Variants in TLE3 observed in about 807,000 individuals in gnomAD.
TLE3 encodes transducin-like enhancer protein 3.
Under a neutral mutation model 93.0 loss-of-function variants are expected in TLE3, and 14 were observed. The ratio of observed to expected loss-of-function variants is 0.15; its 90% CI spans 0.10 to 0.24. The LOEUF (loss-of-function observed/expected upper bound fraction) is 0.24. Among genes scored for constraint, TLE3 ranks in the 10% least tolerant of loss-of-function variants. The pLI, the probability that TLE3 is intolerant of heterozygous loss-of-function variation, is 1.00. For synonymous variants in TLE3, 451 were observed against 425.0 expected (o/e 1.06, Z -0.75); for missense variants, 693 against 1,046.6 (o/e 0.66, Z 4.66).
At chr15:70,054,870 G>C in intron 15 of TLE3, 179 bp downstream of exon 15, 1 of 1,216,090 alleles carries the variant, frequency 8.2e-7, no homozygotes, top group Non-Finnish European at 1.1e-6. Flanking sequence ...AATACCAGGA[G>C]GTCAGAATCA....
intron 4 of TLE3, among the ~76,000 whole-genome samples, chr15:70,088,793 C>A (rs745916833): frequency 6.6e-6 from 1 of 152,208 alleles, no homozygotes; most frequent in African/African-American, 2.4e-5. Context: ...GGAGACAATG[C>A]CACTTTGGGG....
At chr15:70,051,177 A>G (rs1269385234) in intron 19 of TLE3, 4 of 448,420 alleles carry the variant, frequency 8.9e-6, no homozygotes, top group Non-Finnish European at 1.6e-5. Flanking sequence ...AGAAGCCATC[A>G]GTAGCAGATT....
intron 19 of TLE3, 67 bp downstream of exon 19, chr15:70,051,324 C>CCCATCA (rs1392951827): frequency 2.0e-6 from 3 of 1,472,682 alleles, no homozygotes; most frequent in Non-Finnish European, 2.8e-6. Context: ...TATCCTCACT[C>CCCATCA]CCATCACCAT....
intron 8 of TLE3, among the ~76,000 whole-genome samples, chr15:70,061,604 C>T (rs762310473): frequency 6.6e-6 from 1 of 152,154 alleles, no homozygotes; most frequent in African/African-American, 2.4e-5. Flanking sequence ...CTGGCAAGGG[C>T]ACCTGCCAGC....
At chr15:70,060,253 G>A (rs985220844) in intron 9 of TLE3, among the ~76,000 whole-genome samples, 5 of 152,174 alleles carry the variant, frequency 3.3e-5, no homozygotes, top group Non-Finnish European at 5.9e-5. Flanking sequence ...AGCAGCATGG[G>A]GTTGTTGGCC....
chr15:70,060,814 A>G (rs1163849662), intron 8 of TLE3, 165 bp from the exon 9 acceptor site: 7 of 1,213,254 alleles, frequency 5.8e-6, no homozygotes, highest in East Asian at 5.6e-5. Context: ...TTGCCAGGGA[A>G]GCCTTCCCCA....
intron 18 of TLE3, 46 bp downstream of exon 18, chr15:70,052,328 G>T: frequency 6.3e-7 from 1 of 1,597,318 alleles, no homozygotes; most frequent in Non-Finnish European, 8.5e-7. Flanking sequence ...GGCTGCCCTG[G>T]GTTCCCCACC....
intron 6 of TLE3, 31 bp downstream of exon 6, chr15:70,074,502 C>T (rs372506582): frequency 2.3e-5 from 37 of 1,602,384 alleles, no homozygotes; most frequent in South Asian, 1.0e-4. Context: ...GCTATACACA[C>T]GGTAAGAGGC....
chr15:70,051,582 T>TA, intron 18 of TLE3, 115 bp from the exon 19 acceptor site: 1 of 591,306 alleles, frequency 1.7e-6, no homozygotes, highest in Non-Finnish European at 2.5e-6. Flanking sequence ...CTAACTAGTA[T>TA]AACTCTCCAA....
chr15:70,082,107 C>G (rs1181421815), intron 4 of TLE3, among the ~76,000 whole-genome samples: 3 of 152,114 alleles, frequency 2.0e-5, no homozygotes, highest in Admixed American at 2.0e-4. Flanking sequence ...CAGCAGCCTC[C>G]CAGCAGCCAG....
intron 6 of TLE3, among the ~76,000 whole-genome samples, chr15:70,067,090 T>C (rs1205814017): frequency 6.6e-6 from 1 of 152,320 alleles, no homozygotes; most frequent in African/African-American, 2.4e-5. Context: ...AAACTTGCCA[T>C]GCAGCAAGTC....
Position 70,058,714 on chromosome 15 carries a change from C to A in TLE3, c.867G>T (p.Ser289=), listed in dbSNP as rs370729783. The change falls in exon 11 of 20, where the codon TCG becomes TCT. Residue 289 remains serine, a synonymous_variant. Coordinates refer to ENST00000451782, the MANE Select transcript of TLE3 (RefSeq NM_001105192.3). The surrounding 1 kb of genome is among the most constrained non-coding windows in gnomAD (Gnocchi z 4.1). The part of the protein sequence containing the change: ...LKKDAPTSPA[S]VASSSSTPSS... ...AAGGTGTGCTACTGGAAGAGGCCACCGAGGCAGGGCTGGTGGGGGCATCTT... is the reference window on the plus strand; with the variant it reads ...AAGGTGTGCTACTGGAAGAGGCCACAGAGGCAGGGCTGGTGGGGGCATCTT... The A allele has an allele frequency of 4.0e-5, 64 of 1,609,030 alleles. No individual in the cohort carries two copies. The highest frequency in any genetic ancestry group is 5.4e-5 in the Non-Finnish European group (64 of 1,177,834).
chr15:70,059,606 C>T, intron 9 of TLE3, 146 bp from the exon 10 acceptor site: 1 of 733,978 alleles, frequency 1.4e-6, no homozygotes, highest in South Asian at 1.8e-5. Flanking sequence ...CCAGCCCTGC[C>T]CTTCAACAGG....
chr15:70,053,639 C>A, intron 16 of TLE3: 1 of 313,438 alleles, frequency 3.2e-6, no homozygotes, highest in Non-Finnish European at 5.9e-6. Flanking sequence ...CTTGCACTAG[C>A]CTTCTGAGAC....
intron 5 of TLE3, among the ~76,000 whole-genome samples, chr15:70,075,107 C>A (rs1047122551): frequency 6.6e-6 from 1 of 152,192 alleles, no homozygotes; most frequent in Non-Finnish European, 1.5e-5. Flanking sequence ...CTTATCCATA[C>A]CTGTCTAAAT....
intron 4 of TLE3, among the ~76,000 whole-genome samples, chr15:70,090,313 T>C (rs2058249195): frequency 6.6e-6 from 1 of 152,120 alleles, no homozygotes; most frequent in African/African-American, 2.4e-5. Flanking sequence ...GGGAGGGTTC[T>C]TGGATGCTAG....
chr15:70,081,939 T>C (rs1479334235), intron 4 of TLE3, among the ~76,000 whole-genome samples: 2 of 152,236 alleles, frequency 1.3e-5, no homozygotes, highest in Non-Finnish European at 2.9e-5. Flanking sequence ...CAGTCAGCTC[T>C]GAGGTTCTTA....
chr15:70,096,476 C>A, intron 1 of TLE3: 1 of 1,154,556 alleles, frequency 8.7e-7, no homozygotes, highest in Non-Finnish European at 1.2e-6. Context: ...CCAAGGGCCT[C>A]CCTCTCCCCA....
rs369221657 is a variant in TLE3, at chr15:70,096,846, G to T, written c.-48C>A. ...GAGAGCGTGGAAGCGCCGAGAGCCC[G>T]GGCCGGGGAGGTGCGGGGGAGGGGG... On this transcript the variant is annotated 5_prime_UTR_variant, in exon 1 of 20. Coordinates refer to ENST00000451782, the MANE Select transcript of TLE3 (RefSeq NM_001105192.3). The T allele has an allele frequency of 7.5e-6, 12 of 1,603,044 alleles. No individual in the cohort carries two copies. The highest frequency in any genetic ancestry group is 2.2e-5 in the South Asian group (2 of 90,044).
Sources: allele counts gnomAD v4.1 joint callset (sites outside exome capture counted in the v4.1 genomes callset), GRCh38; gene constraint gnomAD v4.1.1; non-coding constraint Gnocchi (gnomAD v3.1); transcripts MANE v1.5; gene names NCBI Gene and HGNC (gene_info 2026-07-23, HGNC 2026-07-21).